Variants in ANKS1B observed in about 807,000 individuals in gnomAD.
ANKS1B encodes the protein ankyrin repeat and sterile alpha motif domain containing 1B.
ANKS1B carries 36 observed loss-of-function variants against 148.3 expected under a neutral mutation model. That is an observed-to-expected ratio of 0.24 (90% CI 0.19 to 0.32). ANKS1B has a LOEUF of 0.32. Ranked by LOEUF, ANKS1B falls within the 10% of genes least tolerant of loss-of-function variation. ANKS1B has a pLI of 1.00. For synonymous variants in ANKS1B, 542 were observed against 560.8 expected, an observed-to-expected ratio of 0.97 and a Z score of 0.47; for missense variants, 1,157 against 1,542.6, an observed-to-expected ratio of 0.75 and a Z score of 4.19.
chr12:99,806,117 T>A (rs1465296917), intron 4 of ANKS1B, among the ~76,000 whole-genome samples: 1 of 152,232 alleles, frequency 6.6e-6, no homozygotes, highest in Non-Finnish European at 1.5e-5. Context: ...TTAGGCTGTG[T>A]GCTAGATATT....
At chr12:99,300,211 T>C (rs2154019781) in intron 12 of ANKS1B, among the ~76,000 whole-genome samples, 1 of 152,160 alleles carries the variant, frequency 6.6e-6, no homozygotes, top group Admixed American at 6.5e-5. Context: ...CCCAACGAAT[T>C]AGGCCTGAAG....
intron 8 of ANKS1B, among the ~76,000 whole-genome samples, chr12:99,661,457 A>C (rs2153453971): frequency 6.6e-6 from 1 of 152,268 alleles, no homozygotes; most frequent in Non-Finnish European, 1.5e-5. Context: ...ACAGAAGTAA[A>C]TTCTCTTCTT....
rs144433566 is a variant in ANKS1B, at chr12:99,593,892, A to G, written c.1272+61175T>C. ...AAATAAATTTTCTTTAGTCTTTTTC[A>G]GTTTACAAAGTGCCTGTATACACAT... On this transcript the variant is annotated intron_variant, in intron 9 of 26. Transcript: ENST00000683438. Among the ~76,000 whole-genome samples, 1,474 of 152,134 alleles carry G rather than the reference A, an allele frequency of 9.7e-3. 31 individuals carry two copies. The highest frequency in any genetic ancestry group is 0.034 in the African/African-American group (1,401 of 41,506).
chr12:99,791,044 T>C (rs927209128), intron 4 of ANKS1B, among the ~76,000 whole-genome samples: 12 of 152,018 alleles, frequency 7.9e-5, no homozygotes, highest in African/African-American at 2.9e-4. Context: ...ATGTTACCTA[T>C]AACGATACAC....
intron 1 of ANKS1B, among the ~76,000 whole-genome samples, chr12:99,953,131 T>C (rs1469056659): frequency 6.6e-6 from 1 of 151,932 alleles, no homozygotes; most frequent in African/African-American, 2.4e-5. Flanking sequence ...ATAAACAAAA[T>C]ATAAAATAAA....
chr12:99,849,763 C>G (rs191730985), intron 1 of ANKS1B, among the ~76,000 whole-genome samples: 348 of 152,152 alleles, frequency 2.3e-3, no homozygotes, highest in African/African-American at 8.0e-3. Context: ...CTGAATGATT[C>G]CATCTGAACA....
chr12:99,677,334 G>GT (rs1195466706), intron 8 of ANKS1B, among the ~76,000 whole-genome samples: 3 of 151,556 alleles, frequency 2.0e-5, no homozygotes, highest in South Asian at 2.1e-4. Flanking sequence ...CAAACTGTTT[G>GT]TTTTTTTATT....
chr12:99,460,945 C>T (rs1404724064), intron 10 of ANKS1B, among the ~76,000 whole-genome samples: 2 of 151,962 alleles, frequency 1.3e-5, no homozygotes, highest in Non-Finnish European at 2.9e-5. Context: ...TACTTGCACA[C>T]ACATGTTTAT....
intron 12 of ANKS1B, among the ~76,000 whole-genome samples, chr12:99,398,722 G>A (rs572612567): frequency 6.6e-6 from 1 of 152,194 alleles, no homozygotes; most frequent in South Asian, 2.1e-4. Flanking sequence ...CTGCAACTCT[G>A]AGAATCATTT....
intron 22 of ANKS1B, among the ~76,000 whole-genome samples, chr12:98,796,833 T>C (rs2098954104): frequency 6.6e-6 from 1 of 152,214 alleles, no homozygotes; most frequent in Non-Finnish European, 1.5e-5. Context: ...AGGATTTAAC[T>C]AAATTATTCT....
chr12:99,387,044 C>T (rs2093889281), intron 12 of ANKS1B, among the ~76,000 whole-genome samples: 1 of 152,112 alleles, frequency 6.6e-6, no homozygotes, highest in African/African-American at 2.4e-5. Flanking sequence ...GAGACATGGT[C>T]CCTGCATTTA....
chr12:99,770,024 G>C (rs909118657), intron 8 of ANKS1B, among the ~76,000 whole-genome samples: 1 of 152,094 alleles, frequency 6.6e-6, no homozygotes, highest in African/African-American at 2.4e-5. Context: ...ATATTCACTG[G>C]TCTCTCCCTT....
At chr12:98,906,123 G>A (rs1443812188) in intron 17 of ANKS1B, among the ~76,000 whole-genome samples, 1 of 152,214 alleles carries the variant, frequency 6.6e-6, no homozygotes, top group East Asian at 1.9e-4. Context: ...TGGGTATGGA[G>A]GGTGAGAATG....
At chr12:99,384,161 C>A (rs542046726) in intron 12 of ANKS1B, among the ~76,000 whole-genome samples, 4 of 152,248 alleles carry the variant, frequency 2.6e-5, no homozygotes, top group African/African-American at 9.6e-5. Context: ...TGCTTAGAAG[C>A]TCAAGAAATA....
intron 1 of ANKS1B, among the ~76,000 whole-genome samples, chr12:99,979,644 C>CTG (rs2095669576): frequency 6.6e-6 from 1 of 152,012 alleles, no homozygotes; most frequent in Non-Finnish European, 1.5e-5. Context: ...TAGGAATTAC[C>CTG]AATGGCTCAC....
intron 9 of ANKS1B, among the ~76,000 whole-genome samples, chr12:99,558,230 C>T (rs909975689): frequency 2.6e-5 from 4 of 152,050 alleles, no homozygotes; most frequent in South Asian, 2.1e-4. Flanking sequence ...GTGACCGTAG[C>T]GGTGGGGCAG....
At chr12:99,345,084 T>G (rs763852336) in intron 12 of ANKS1B, 3 of 152,078 alleles carry the variant, frequency 2.0e-5, no homozygotes, top group Non-Finnish European at 4.4e-5. Context: ...ACAAATAATT[T>G]TAATAACTTT....
intron 10 of ANKS1B, among the ~76,000 whole-genome samples, chr12:99,471,420 C>G (rs1567169016): frequency 6.6e-6 from 1 of 152,014 alleles, no homozygotes; most frequent in African/African-American, 2.4e-5. Context: ...CCTCTGAGCT[C>G]TTGATGAATG....
chr12:98,907,693 T>C (rs528049381), intron 17 of ANKS1B, among the ~76,000 whole-genome samples: 105 of 152,330 alleles, frequency 6.9e-4, no homozygotes, highest in South Asian at 2.1e-3. Context: ...AGTTTGGCTA[T>C]GTCCCCACCC....
Sources: allele counts gnomAD v4.1 joint callset (sites outside exome capture counted in the v4.1 genomes callset), GRCh38; gene constraint gnomAD v4.1.1; transcripts MANE v1.5; gene names NCBI Gene and HGNC (gene_info 2026-07-23, HGNC 2026-07-21).